ERC2: variants seen among roughly 807,000 people sequenced by gnomAD.
The protein encoded by ERC2 is ELKS/RAB6-interacting/CAST family member 2, also known as ERC protein 2.
Under a neutral mutation model 114.8 loss-of-function variants are expected in ERC2, and 42 were observed. That is an observed-to-expected ratio of 0.37 (90% CI 0.29 to 0.47). ERC2 has a LOEUF of 0.47. Ranked by LOEUF, ERC2 falls within the 20% of genes least tolerant of loss-of-function variation. The pLI, the probability that ERC2 is intolerant of heterozygous loss-of-function variation, is 0.99. For synonymous variants in ERC2, 454 were observed against 425.5 expected (o/e 1.07, Z -0.82); for missense variants, 939 against 1,150.7 (o/e 0.82, Z 2.66).
intron 3 of ERC2, among the ~76,000 whole-genome samples, chr3:56,289,308 T>C (rs1412644262): frequency 6.6e-6 from 1 of 151,346 alleles, no homozygotes; most frequent in Non-Finnish European, 1.5e-5. Flanking sequence ...CCCTTCAACT[T>C]CCATGGCCAC....
chr3:55,950,781 G>A (rs2067446874), intron 12 of ERC2, among the ~76,000 whole-genome samples: 2 of 152,168 alleles, frequency 1.3e-5, no homozygotes, highest in Admixed American at 1.3e-4. Context: ...AAATGGGGCA[G>A]GTATAATCTT....
intron 15 of ERC2, among the ~76,000 whole-genome samples, chr3:55,728,959 A>T (rs2065084324): frequency 6.6e-6 from 1 of 152,214 alleles, no homozygotes; most frequent in Non-Finnish European, 1.5e-5. Context: ...GTGTTTCCTA[A>T]AAAGGCAAGC....
At chr3:55,888,994 T>C (rs1223275753) in intron 13 of ERC2, among the ~76,000 whole-genome samples, 2 of 152,216 alleles carry the variant, frequency 1.3e-5, no homozygotes, top group Non-Finnish European at 2.9e-5. Context: ...CCAAGGTCCT[T>C]GTTCAATTGG....
At chr3:56,430,929 C>T (rs2061763219) in intron 2 of ERC2, among the ~76,000 whole-genome samples, 1 of 152,088 alleles carries the variant, frequency 6.6e-6, no homozygotes, top group Non-Finnish European at 1.5e-5. Flanking sequence ...AGGTAGTGAT[C>T]ATAAAGTTAA....
chr3:56,263,917 G>A (rs2053115458), intron 3 of ERC2, among the ~76,000 whole-genome samples: 1 of 151,934 alleles, frequency 6.6e-6, no homozygotes, highest in Admixed American at 6.6e-5. Flanking sequence ...TAAAACATGA[G>A]CATCCTGAAT....
chr3:55,858,265 A>T (rs933631949), intron 14 of ERC2, among the ~76,000 whole-genome samples: 1 of 152,214 alleles, frequency 6.6e-6, no homozygotes, highest in African/African-American at 2.4e-5. Context: ...ATTTTCTCAT[A>T]ATGTCATTCT....
chr3:56,100,469 G>A (rs759506326), intron 6 of ERC2, among the ~76,000 whole-genome samples: 21 of 152,164 alleles, frequency 1.4e-4, no homozygotes, highest in Admixed American at 8.5e-4. Context: ...GATAGCTTAC[G>A]TGACTTCACT....
intron 16 of ERC2, among the ~76,000 whole-genome samples, chr3:55,686,517 A>G (rs1308185287): frequency 2.0e-5 from 3 of 152,210 alleles, no homozygotes. Flanking sequence ...CGGGAGCTCC[A>G]AGTCTTTCCA....
intron 17 of ERC2, among the ~76,000 whole-genome samples, chr3:55,627,883 C>CTTTTTTT (rs10714648): frequency 4.8e-5 from 4 of 82,572 alleles, no homozygotes; most frequent in East Asian, 3.7e-4. Flanking sequence ...GGACTTGGTG[C>CTTTTTTT]TTTTTTTTTT....
intron 4 of ERC2, among the ~76,000 whole-genome samples, chr3:56,158,657 A>T (rs2081873872): frequency 6.6e-6 from 1 of 152,146 alleles, no homozygotes; most frequent in Non-Finnish European, 1.5e-5. Context: ...GAGAAGCAGT[A>T]AGCAGCAAGC....
At chr3:56,311,296 C>CAT (rs1553917400) in intron 2 of ERC2, among the ~76,000 whole-genome samples, 26 of 115,280 alleles carry the variant, frequency 2.3e-4, no homozygotes, top group African/African-American at 9.7e-4. Flanking sequence ...TATATACACA[C>CAT]ATATATATAA....
chr3:56,226,813 G>A (rs1452208), intron 3 of ERC2, among the ~76,000 whole-genome samples: 45,265 of 151,840 alleles, frequency 0.3, 8,427 homozygotes, highest in Middle Eastern at 0.42. Context: ...ACCTTCCTAC[G>A]ACAGACTCAT....
At chr3:56,064,827 G>A (rs1234481728) in intron 7 of ERC2, among the ~76,000 whole-genome samples, 1 of 152,204 alleles carries the variant, frequency 6.6e-6, no homozygotes, top group Non-Finnish European at 1.5e-5. Flanking sequence ...CTGGCCCACT[G>A]CCTGTTTTTG....
At chr3:55,762,713 C>T (rs1218197325) in intron 14 of ERC2, among the ~76,000 whole-genome samples, 1 of 152,164 alleles carries the variant, frequency 6.6e-6, no homozygotes, top group African/African-American at 2.4e-5. Flanking sequence ...AGATGGGTAA[C>T]CTGTATCACA....
Position 55,557,712 on chromosome 3 carries a change from C to T in ERC2, c.*40-46436G>A, listed in dbSNP as rs567781438. On this transcript the variant is annotated intron_variant, in intron 17 of 17. Transcript: ENST00000288221. Reference sequence around the variant, plus strand: ...AGTCAAAACCTTACATGGTCTGATCCCTGCCAACCTCTTCTCACTCCATGG... The same window carrying T: ...AGTCAAAACCTTACATGGTCTGATCTCTGCCAACCTCTTCTCACTCCATGG... Among the ~76,000 whole-genome samples the T allele has an allele frequency of 1.4e-4, 22 of 152,344 alleles. No homozygotes were observed. In the South Asian group the frequency reaches 4.6e-3, roughly 32 times the overall value.
chr3:55,988,978 G>C (rs1390902840), intron 11 of ERC2, among the ~76,000 whole-genome samples: 1 of 152,236 alleles, frequency 6.6e-6, no homozygotes, highest in Non-Finnish European at 1.5e-5. Context: ...GCAGGCCAAG[G>C]CTGAGCCCTT....
rs964013539 is a variant in ERC2 at position 55,564,794 on chromosome 3, G to A, written c.*40-53518C>T. On this transcript the variant is annotated intron_variant, in intron 17 of 17. Coordinates refer to ENST00000288221, the MANE Select transcript of ERC2 (RefSeq NM_015576.3). ...GGCCAAAATACAGCCACTAAGGCTG[G>A]AGCTTGCGAGCAACCATTTTGACTC... 2.0e-5 allele frequency among the ~76,000 whole-genome samples: 3 copies of A among 152,184 alleles called. No individual in the cohort carries two copies. The South Asian group carries it at 6.2e-4, about 32-fold the overall frequency.
At chr3:56,342,398 T>C (rs1039321660) in intron 2 of ERC2, among the ~76,000 whole-genome samples, 3 of 152,260 alleles carry the variant, frequency 2.0e-5, no homozygotes, top group African/African-American at 7.2e-5. Context: ...TCCCTAGTGA[T>C]ACAGCTTTTG....
intron 2 of ERC2, among the ~76,000 whole-genome samples, chr3:56,395,134 G>A (rs2106883866): frequency 6.6e-6 from 1 of 152,088 alleles, no homozygotes; most frequent in East Asian, 1.9e-4. Context: ...GGGGGATCTG[G>A]GAGAAATAGA....
Sources: gnomAD v4.1 joint callset for allele counts (sites outside exome capture counted in the v4.1 genomes callset) on GRCh38, gnomAD v4.1.1 for gene constraint, MANE v1.5 for transcripts, NCBI Gene and HGNC (gene_info 2026-07-23, HGNC 2026-07-21) for gene names.